Variants in LHFPL6 observed in about 807,000 individuals in gnomAD.
The protein encoded by LHFPL6 is LHFPL tetraspan subfamily member 6, also known as LHFPL tetraspan subfamily member 6 protein.
LHFPL6 carries 9 observed loss-of-function variants against 20.6 expected under a neutral mutation model. That is an observed-to-expected ratio of 0.44 (90% CI 0.26 to 0.76). LHFPL6 has a LOEUF of 0.76. Ranked by LOEUF, LHFPL6 falls within the 30% of genes least tolerant of loss-of-function variation. The pLI is 0.20. For missense variants in LHFPL6, 218 were observed against 253.5 expected (o/e 0.86, Z 0.95); for synonymous variants, 105 against 98.7 (o/e 1.06, Z -0.38).
At chr13:39,381,231 A>T (rs1870428873) in intron 2 of LHFPL6, among the ~76,000 whole-genome samples, 1 of 152,166 alleles carries the variant, frequency 6.6e-6, no homozygotes, top group Non-Finnish European at 1.5e-5. Context: ...ACGAGTAAAA[A>T]CTATGTGCCA....
chr13:39,471,588 C>T (rs147436005), intron 2 of LHFPL6, among the ~76,000 whole-genome samples: 50 of 152,292 alleles, frequency 3.3e-4, no homozygotes, highest in African/African-American at 1.1e-3. Context: ...CTCCCAGTGT[C>T]ATTTCTGAAC....
chr13:39,355,154 G>T (rs1869691000), intron 3 of LHFPL6, among the ~76,000 whole-genome samples: 2 of 150,952 alleles, frequency 1.3e-5, no homozygotes, highest in Non-Finnish European at 2.9e-5. Flanking sequence ...AAAGGGTCAG[G>T]TCACTTACAA....
At chr13:39,418,382 C>CTTT (rs71077297) in intron 2 of LHFPL6, among the ~76,000 whole-genome samples, 1,355 of 129,636 alleles carry the variant, frequency 0.01, 34 homozygotes, top group Admixed American at 0.028. Context: ...TTTTTTTGGT[C>CTTT]TTTTTTTTTT....
At chr13:39,452,471 T>C (rs1872475188) in intron 2 of LHFPL6, among the ~76,000 whole-genome samples, 1 of 152,144 alleles carries the variant, frequency 6.6e-6, no homozygotes, top group Admixed American at 6.5e-5. Context: ...TGAAAGCAAA[T>C]GGAAAACCAC....
chr13:39,508,110 C>A (rs1461347362), intron 2 of LHFPL6, among the ~76,000 whole-genome samples: 1 of 151,764 alleles, frequency 6.6e-6, no homozygotes, highest in African/African-American at 2.4e-5. Context: ...AATCAATTTC[C>A]GCCTCCCAGG....
intron 2 of LHFPL6, among the ~76,000 whole-genome samples, chr13:39,518,450 A>T (rs544521482): frequency 2.6e-5 from 4 of 152,348 alleles, no homozygotes; most frequent in Non-Finnish European, 5.9e-5. Flanking sequence ...TAATCAACTT[A>T]TATGTAGAAT....
chr13:39,506,772 A>C (rs1238573652), intron 2 of LHFPL6, among the ~76,000 whole-genome samples: 1 of 152,176 alleles, frequency 6.6e-6, no homozygotes, highest in Non-Finnish European at 1.5e-5. Context: ...TATAAGCTAA[A>C]GCTGAGGCAG....
At chr13:39,344,403 C>T (rs1303611498) in intron 3 of LHFPL6, among the ~76,000 whole-genome samples, 1 of 152,126 alleles carries the variant, frequency 6.6e-6, no homozygotes, top group Non-Finnish European at 1.5e-5. Flanking sequence ...ACCTGCGTAA[C>T]AAAGTACTTT....
intron 2 of LHFPL6, among the ~76,000 whole-genome samples, chr13:39,581,532 C>CAAA (rs71080316): frequency 1.9e-5 from 2 of 106,356 alleles, no homozygotes; most frequent in Non-Finnish European, 3.7e-5. Context: ...ATGCATGAGA[C>CAAA]AAAAAAAAAA....
At chr13:39,547,999 A>G (rs2324338) in intron 2 of LHFPL6, among the ~76,000 whole-genome samples, 54,340 of 151,906 alleles carry the variant, frequency 0.36, 10,209 homozygotes, top group African/African-American at 0.47. Context: ...GAAAATCAAC[A>G]AAATTTAAAG....
At chr13:39,399,012 A>G (rs1242029301) in intron 2 of LHFPL6, among the ~76,000 whole-genome samples, 1 of 152,192 alleles carries the variant, frequency 6.6e-6, no homozygotes, top group East Asian at 1.9e-4. Context: ...ACGTTTCATA[A>G]TCATTCGACA....
At chr13:39,379,955 G>A (rs1870394607) in intron 2 of LHFPL6, among the ~76,000 whole-genome samples, 1 of 152,216 alleles carries the variant, frequency 6.6e-6, no homozygotes, top group South Asian at 2.1e-4. Flanking sequence ...TATGAATTAT[G>A]TTGAAGCTGA....
At chr13:39,438,933 AG>A (rs1430168509) in intron 2 of LHFPL6, among the ~76,000 whole-genome samples, 3 of 152,182 alleles carry the variant, frequency 2.0e-5, no homozygotes, top group Non-Finnish European at 4.4e-5. Context: ...AACCTCTACT[AG>A]GGCAGAGCAG....
chr13:39,346,907 C>T (rs969703419), intron 3 of LHFPL6, among the ~76,000 whole-genome samples: 5 of 151,984 alleles, frequency 3.3e-5, no homozygotes, highest in Non-Finnish European at 4.4e-5. Flanking sequence ...AGAGCCTCCA[C>T]ATCTTAAAAG....
chr13:39,404,135 C>A (rs1013530597), intron 2 of LHFPL6, among the ~76,000 whole-genome samples: 7 of 152,244 alleles, frequency 4.6e-5, no homozygotes, highest in African/African-American at 1.7e-4. Context: ...TAAATAAGCA[C>A]GTGATGGAAT....
intron 2 of LHFPL6, among the ~76,000 whole-genome samples, chr13:39,449,386 G>T (rs1566114017): frequency 6.6e-6 from 1 of 152,176 alleles, no homozygotes; most frequent in Admixed American, 6.5e-5. Flanking sequence ...ATTTGTCCTG[G>T]TCAAGGGTGT....
rs545169550 is a variant in LHFPL6, at chr13:39,544,023, T to G, written c.385+56809A>C. On this transcript the variant is annotated intron_variant, in intron 2 of 3. Transcript: ENST00000379589. ...ACTAGTTGGAAAACTATCATAGACT[T>G]TTATTTCAATGGGCAAGAGAGGTAT... Among the ~76,000 whole-genome samples the G allele has an allele frequency of 7.2e-5, 11 of 152,320 alleles. No homozygotes were observed. The East Asian group carries it at 2.1e-3, about 29-fold the overall frequency.
chr13:39,400,558 C>T (rs972872347), intron 2 of LHFPL6, among the ~76,000 whole-genome samples: 15 of 151,660 alleles, frequency 9.9e-5, no homozygotes, highest in Admixed American at 2.6e-4. Flanking sequence ...CCGAGGCGGG[C>T]GGATCACGAG....
intron 2 of LHFPL6, among the ~76,000 whole-genome samples, chr13:39,440,047 C>A (rs1872072434): frequency 6.6e-6 from 1 of 152,184 alleles, no homozygotes; most frequent in African/African-American, 2.4e-5. Flanking sequence ...AGTTAATACA[C>A]AGAGCCTGAA....
Sources: gnomAD v4.1 joint callset for allele counts (sites outside exome capture counted in the v4.1 genomes callset) on GRCh38, gnomAD v4.1.1 for gene constraint, MANE v1.5 for transcripts, NCBI Gene and HGNC (gene_info 2026-07-23, HGNC 2026-07-21) for gene names.